RANBP17: variants seen among roughly 807,000 people sequenced by gnomAD.
RANBP17 encodes the protein ran-binding protein 17.
RANBP17 carries 158 observed loss-of-function variants against 141.2 expected under a neutral mutation model. The observed-to-expected ratio is 1.12, with a 90% confidence interval of 0.98 to 1.28. The LOEUF (loss-of-function observed/expected upper bound fraction) is 1.28, where lower values mean the gene tolerates loss of function less well. Ranked by LOEUF, RANBP17 falls within the 50% of genes most tolerant of loss-of-function variation. The pLI is 0.00. For synonymous variants in RANBP17, 430 were observed against 450.0 expected, an observed-to-expected ratio of 0.96 and a Z score of 0.56; for missense variants, 1,438 against 1,290.7, an observed-to-expected ratio of 1.11 and a Z score of -1.75.
rs780812989 is a variant in RANBP17 at position 171,014,859 on chromosome 5, C to A, written c.1710+46482C>A. On this transcript the variant is annotated intron_variant, in intron 14 of 27. Transcript: ENST00000523189. Reference sequence around the variant, plus strand: ...ATTAGAGAAATCTTAATGACAGATTCTTTCAGCTTTCATATGTCTGGAAAA... The same window carrying A: ...ATTAGAGAAATCTTAATGACAGATTATTTCAGCTTTCATATGTCTGGAAAA... 3.3e-5 allele frequency among the ~76,000 whole-genome samples: 5 copies of A among 151,958 alleles called. No homozygotes were observed. The East Asian group carries it at 9.6e-4, about 29-fold the overall frequency.
chr5:170,994,711 A>G (rs982505961), intron 14 of RANBP17, among the ~76,000 whole-genome samples: 9 of 152,080 alleles, frequency 5.9e-5, no homozygotes, highest in African/African-American at 1.7e-4. Context: ...GCCTAATGCA[A>G]TTATAGAAAT....
chr5:171,038,999 C>T (rs973238967), intron 14 of RANBP17, among the ~76,000 whole-genome samples: 2 of 152,048 alleles, frequency 1.3e-5, no homozygotes, highest in Non-Finnish European at 2.9e-5. Context: ...TAGATTAATT[C>T]TATGTCTTTG....
At chr5:171,064,605 T>C (rs1189755359) in intron 14 of RANBP17, among the ~76,000 whole-genome samples, 1 of 152,208 alleles carries the variant, frequency 6.6e-6, no homozygotes, top group African/African-American at 2.4e-5. Flanking sequence ...CAAGTGATCC[T>C]CCCACTTTAG....
chr5:171,254,388 T>A lies in RANBP17; in HGVS notation c.2777-11293T>A, dbSNP rs569366046. Among the ~76,000 whole-genome samples the A allele has an allele frequency of 2.6e-3, 393 of 152,288 alleles. 1 individual carries two copies. The highest frequency in any genetic ancestry group is 8.0e-3 in the African/African-American group (334 of 41,572). On this transcript the variant is annotated intron_variant, in intron 24 of 27. Coordinates refer to ENST00000523189, the MANE Select transcript of RANBP17 (RefSeq NM_022897.5). ...GCTTGGGAAAATCATGTCATAGCAT[T>A]TATGTTATTTTCAGATGTCATTTTT...
At chr5:170,942,802 G>T (rs913018347) in intron 12 of RANBP17, among the ~76,000 whole-genome samples, 1 of 152,154 alleles carries the variant, frequency 6.6e-6, no homozygotes, top group Non-Finnish European at 1.5e-5. Context: ...AACAGATTCA[G>T]TTGGAAAAGA....
rs182968326 is a variant in RANBP17 at position 170,882,233 on chromosome 5, T to C, written c.256+337T>C. 4.9e-4 allele frequency among the ~76,000 whole-genome samples: 74 copies of C among 152,104 alleles called. No homozygotes were observed. The Middle Eastern group carries it at 0.014, about 28-fold the overall frequency. On this transcript the variant is annotated intron_variant, in intron 3 of 27. Coordinates refer to ENST00000523189, the MANE Select transcript of RANBP17 (RefSeq NM_022897.5). ...AGTAGCTGGGACTACAGGTGCACGC[T>C]ACCACACCCAGCTAATTTTTGTATT... is the stretch of plus-strand genomic sequence containing the variant.
intron 12 of RANBP17, among the ~76,000 whole-genome samples, chr5:170,938,996 C>A (rs1490433158): frequency 2.0e-5 from 3 of 152,068 alleles, no homozygotes; most frequent in African/African-American, 4.8e-5. Flanking sequence ...AACTATATAA[C>A]CCCAAAGACA....
intron 25 of RANBP17, among the ~76,000 whole-genome samples, chr5:171,289,544 C>T (rs1004864731): frequency 6.6e-6 from 1 of 151,984 alleles, no homozygotes; most frequent in Admixed American, 6.6e-5. Flanking sequence ...TGGAGACCAG[C>T]CTGGGCAACA....
At chr5:171,065,525 C>A (rs1784259776) in intron 14 of RANBP17, among the ~76,000 whole-genome samples, 1 of 152,086 alleles carries the variant, frequency 6.6e-6, no homozygotes, top group Non-Finnish European at 1.5e-5. Flanking sequence ...TGCTTTGTGA[C>A]TCCCAGTTCC....
chr5:170,885,929 G>A (rs528522866), intron 3 of RANBP17, among the ~76,000 whole-genome samples: 5 of 144,506 alleles, frequency 3.5e-5, no homozygotes, highest in Admixed American at 7.0e-5. Context: ...TGGCTCTGCT[G>A]TTGTATATCC....
In RANBP17 at chr5:171,139,298, G is replaced by C. The variant is rs540804975; in HGVS notation, c.1711-30832G>C. 1.3e-4 allele frequency among the ~76,000 whole-genome samples: 20 copies of C among 152,130 alleles called. No individual in the cohort carries two copies. In the South Asian group the frequency reaches 2.1e-3, roughly 16 times the overall value. On this transcript the variant is annotated intron_variant, in intron 14 of 27. Coordinates refer to ENST00000523189, the MANE Select transcript of RANBP17 (RefSeq NM_022897.5). ...TTATTAAAATAATTTTATATAGTTA[G>C]AAAATCCTGAAAGTCTTCTCCATCC... is the stretch of plus-strand genomic sequence containing the variant.
intron 20 of RANBP17, among the ~76,000 whole-genome samples, chr5:171,208,129 T>G (rs915856505): frequency 6.6e-6 from 1 of 152,236 alleles, no homozygotes; most frequent in Non-Finnish European, 1.5e-5. Context: ...ATCCTTAGCA[T>G]GCAGAAGAAA....
chr5:170,884,037 T>G (rs903627347), intron 3 of RANBP17, among the ~76,000 whole-genome samples: 2 of 152,202 alleles, frequency 1.3e-5, no homozygotes, highest in Non-Finnish European at 2.9e-5. Flanking sequence ...ACACTGTCTT[T>G]CAAGGTGGCT....
chr5:170,897,386 G>C, intron 5 of RANBP17: 1 of 447,558 alleles, frequency 2.2e-6, no homozygotes, highest in Non-Finnish European at 4.2e-6. Flanking sequence ...ATTCCATTGC[G>C]CGTATGTGTA....
chr5:170,994,740 G>GT (rs1475923901), intron 14 of RANBP17, among the ~76,000 whole-genome samples: 2 of 152,064 alleles, frequency 1.3e-5, no homozygotes, highest in African/African-American at 4.8e-5. Context: ...TAAGGTAGCT[G>GT]TAAGGTCATT....
chr5:171,112,285 T>C (rs1755292217), intron 14 of RANBP17, among the ~76,000 whole-genome samples: 2 of 152,154 alleles, frequency 1.3e-5, no homozygotes, highest in South Asian at 4.1e-4. Flanking sequence ...GGATTTTTCC[T>C]ACTTTGTTTC....
intron 14 of RANBP17, among the ~76,000 whole-genome samples, chr5:171,137,610 G>C (rs12187524): frequency 1.1e-4 from 13 of 122,544 alleles, no homozygotes; most frequent in East Asian, 4.9e-4. Flanking sequence ...GTGTGTCTGT[G>C]TGTGTGTGTG....
rs149834572 is a variant in RANBP17, at chr5:170,878,261, A to G, written c.165+18A>G. On this transcript the variant is annotated intron_variant, in intron 2 of 27. Coordinates refer to ENST00000523189, the MANE Select transcript of RANBP17 (RefSeq NM_022897.5). ...AAGGAACAGTAAGTATTTGGTAACA[A>G]TGATTAACCATGAAAGATCAGTAGA... 3.2e-5 allele frequency: 51 copies of G among 1,589,724 alleles called. No individual in the cohort carries two copies. The highest frequency in any genetic ancestry group is 3.8e-5 in the Non-Finnish European group (44 of 1,165,836).
chr5:170,915,425 T>A (rs1312506470), intron 8 of RANBP17, among the ~76,000 whole-genome samples: 2 of 152,150 alleles, frequency 1.3e-5, no homozygotes, highest in Non-Finnish European at 2.9e-5. Context: ...GCATTGAGAT[T>A]GAAACACAGG....
Sources: gnomAD v4.1 joint callset for allele counts (sites outside exome capture counted in the v4.1 genomes callset) on GRCh38, gnomAD v4.1.1 for gene constraint, MANE v1.5 for transcripts, NCBI Gene and HGNC (gene_info 2026-07-23, HGNC 2026-07-21) for gene names.